SMYD3: variants seen among roughly 807,000 people sequenced by gnomAD.
The protein encoded by SMYD3 is SET and MYND domain containing 3.
SMYD3 carries 36 observed loss-of-function variants against 57.7 expected under a neutral mutation model. The observed-to-expected ratio is 0.62, with a 90% CI of 0.48 to 0.82. The LOEUF is 0.82. Among genes scored for constraint, SMYD3 ranks in the 40% least tolerant of loss-of-function variants. SMYD3 has a pLI of 0.00. For missense variants in SMYD3, 515 were observed against 538.8 expected (o/e 0.96, Z 0.44); for synonymous variants, 211 against 195.0 (o/e 1.08, Z -0.68).
intron 9 of SMYD3, 45 bp downstream of exon 9, chr1:245,863,754 G>C (rs926146925): frequency 1.5e-5 from 24 of 1,573,398 alleles, no homozygotes; most frequent in Non-Finnish European, 2.1e-5. Flanking sequence ...AGAAAACAAG[G>C]AAACAATCCC....
intron 11 of SMYD3, 118 bp downstream of exon 11, chr1:245,763,923 G>T: frequency 2.8e-6 from 2 of 706,762 alleles, no homozygotes; most frequent in Admixed American, 2.4e-5. Flanking sequence ...GCACACACTG[G>T]GCATGCGTGT....
chr1:245,817,657 TAGA>T (rs1296259424), intron 10 of SMYD3, among the ~76,000 whole-genome samples: 3 of 151,506 alleles, frequency 2.0e-5, no homozygotes, highest in Non-Finnish European at 4.4e-5. Flanking sequence ...GAAAAAAATT[TAGA>T]AGAATGTATA....
chr1:245,793,085 T>TCG (rs1553323445), intron 10 of SMYD3, among the ~76,000 whole-genome samples: 7 of 146,358 alleles, frequency 4.8e-5, no homozygotes, highest in East Asian at 4.1e-4. Flanking sequence ...CCGAGGCGGG[T>TCG]GATCACGAAA....
chr1:245,859,021 T>C (rs373430595), intron 9 of SMYD3, among the ~76,000 whole-genome samples: 1 of 152,226 alleles, frequency 6.6e-6, no homozygotes, highest in Non-Finnish European at 1.5e-5. Flanking sequence ...ATTAAGTTAA[T>C]TCGATTTTAA....
chr1:246,505,816 A>G (rs1487509381), intron 1 of SMYD3, among the ~76,000 whole-genome samples: 3 of 152,218 alleles, frequency 2.0e-5, no homozygotes, highest in Non-Finnish European at 4.4e-5. Flanking sequence ...TAATGATTCA[A>G]TTGCCAATTT....
intron 10 of SMYD3, among the ~76,000 whole-genome samples, chr1:245,803,215 G>A (rs908544028): frequency 2.0e-5 from 3 of 152,194 alleles, no homozygotes; most frequent in Non-Finnish European, 2.9e-5. Context: ...GTTATGAATG[G>A]CTTGCCGTAT....
chr1:245,829,371 C>T (rs1237415678), intron 10 of SMYD3, among the ~76,000 whole-genome samples: 1 of 152,084 alleles, frequency 6.6e-6, no homozygotes, highest in Non-Finnish European at 1.5e-5. Flanking sequence ...TCCTGAGGTT[C>T]CACACTAGGG....
At chr1:246,112,472 A>C (rs1269186853) in intron 5 of SMYD3, among the ~76,000 whole-genome samples, 1 of 152,214 alleles carries the variant, frequency 6.6e-6, no homozygotes, top group African/African-American at 2.4e-5. Context: ...TTTCTTTACT[A>C]AATTTCCCTA....
At chr1:246,306,403 TA>T (rs200279905) in intron 5 of SMYD3, among the ~76,000 whole-genome samples, 42 of 149,664 alleles carry the variant, frequency 2.8e-4, no homozygotes, top group African/African-American at 8.8e-4. Flanking sequence ...TCCCTTGAAA[TA>T]AAAAAAAAAT....
At chr1:246,166,939 G>A (rs1022084944) in intron 5 of SMYD3, among the ~76,000 whole-genome samples, 2 of 152,086 alleles carry the variant, frequency 1.3e-5, no homozygotes, top group Admixed American at 6.5e-5. Context: ...AGCTGCTCTC[G>A]GGTGCCCCTT....
intron 10 of SMYD3, among the ~76,000 whole-genome samples, chr1:245,774,721 T>TC (rs1335541330): frequency 6.8e-6 from 1 of 147,258 alleles, no homozygotes; most frequent in Non-Finnish European, 1.5e-5. Context: ...TCCCTCTCCC[T>TC]CTCTTTCCAC....
At chr1:246,427,537 A>AT (rs201610616) in intron 1 of SMYD3, among the ~76,000 whole-genome samples, 7,382 of 151,716 alleles carry the variant, frequency 0.049, 637 homozygotes, top group African/African-American at 0.17. Flanking sequence ...AAAAAAATAA[A>AT]AAAAAATAAA....
intron 10 of SMYD3, among the ~76,000 whole-genome samples, chr1:245,825,947 A>G (rs536796395): frequency 9.0e-6 from 1 of 110,852 alleles, no homozygotes; most frequent in East Asian, 2.5e-4. Context: ...CGACCTTCCT[A>G]TGAAGGCAAA....
intron 5 of SMYD3, chr1:246,096,191 A>C (rs2060911628): frequency 6.6e-6 from 1 of 152,242 alleles, no homozygotes; most frequent in African/African-American, 2.4e-5. Context: ...AATGTTAAGG[A>C]AGAATGTAGA....
chr1:246,249,852 C>A (rs965263453), intron 5 of SMYD3, among the ~76,000 whole-genome samples: 1 of 152,158 alleles, frequency 6.6e-6, no homozygotes, highest in African/African-American at 2.4e-5. Context: ...AAAGTTATTT[C>A]CCCACTGGAT....
At chr1:246,442,240 C>T (rs1030744801) in intron 1 of SMYD3, among the ~76,000 whole-genome samples, 11 of 152,258 alleles carry the variant, frequency 7.2e-5, no homozygotes, top group South Asian at 4.1e-4. Flanking sequence ...AAACAATAAA[C>T]CCTTATGGAA....
At chr1:246,227,347 G>A (rs926902490) in intron 5 of SMYD3, among the ~76,000 whole-genome samples, 2 of 152,208 alleles carry the variant, frequency 1.3e-5, no homozygotes, top group Admixed American at 6.5e-5. Context: ...CGGGTGCGGC[G>A]GCTCACGCCT....
chr1:245,993,817 A>C (rs1480726386), intron 5 of SMYD3, among the ~76,000 whole-genome samples: 1 of 152,184 alleles, frequency 6.6e-6, no homozygotes, highest in East Asian at 1.9e-4. Context: ...CGGGGGATGG[A>C]TGGTGGTGAT....
chr1:246,465,565 G>C lies in SMYD3; in HGVS notation c.164+41489C>G, dbSNP rs369818519. Among the ~76,000 whole-genome samples, 20 of 152,256 alleles carry C rather than the reference G, an allele frequency of 1.3e-4. No homozygotes were observed. The East Asian group carries it at 3.7e-3, about 28-fold the overall frequency. The stretch of plus-strand genomic sequence containing the variant: ...AACACCTATCGGGGCGGGGCACGGT[G>C]GCTCATGCCTGTAATCCCAACACTT... On this transcript the variant is annotated intron_variant, in intron 1 of 11. Transcript: ENST00000490107.
Sources: gnomAD v4.1 joint callset for allele counts (sites outside exome capture counted in the v4.1 genomes callset) on GRCh38, gnomAD v4.1.1 for gene constraint, MANE v1.5 for transcripts, NCBI Gene and HGNC (gene_info 2026-07-23, HGNC 2026-07-21) for gene names.